The following PYHIN1 variants were observed in gnomAD, a reference collection of about 807,000 sequenced individuals.
PYHIN1 encodes pyrin and HIN domain-containing protein 1.
Under a neutral mutation model 43.7 loss-of-function variants are expected in PYHIN1, and 32 were observed. The ratio of observed to expected loss-of-function variants is 0.73; its 90% CI spans 0.55 to 0.98. The LOEUF (loss-of-function observed/expected upper bound fraction) is 0.98, where lower values mean the gene tolerates loss of function less well. Ranked by LOEUF, PYHIN1 falls within the 50% of genes least tolerant of loss-of-function variation. PYHIN1 has a pLI of 0.00. For synonymous variants in PYHIN1, 205 were observed against 203.1 expected, an observed-to-expected ratio of 1.01 and a Z score of -0.08; for missense variants, 588 against 589.5, an observed-to-expected ratio of 1.00 and a Z score of 0.03.
chr1:158,942,015 T>C lies in PYHIN1; in HGVS notation c.618T>C (p.Ser206=). Residue 206 remains serine (S), a synonymous_variant, in exon 5 of 9, where the codon AGT becomes AGC. Coordinates refer to ENST00000368140, the MANE Select transcript of PYHIN1 (RefSeq NM_152501.5). ...KPLANRHATA[S]KNIFREDPII... is the part of the protein sequence containing the mutation. ...TGGCCAACCGTCACGCAACTGCCAGTAAAAATATTTTCCGAGAAGACCCAA... is the reference window on the plus strand; with the variant it reads ...TGGCCAACCGTCACGCAACTGCCAGCAAAAATATTTTCCGAGAAGACCCAA... The C allele has an allele frequency of 2.5e-6, 4 of 1,611,674 alleles. No individual in the cohort carries two copies. The South Asian group carries it at 3.3e-5, about 13-fold the overall frequency.
intron 7 of PYHIN1, among the ~76,000 whole-genome samples, chr1:158,951,922 G>T (rs1571747537): frequency 6.6e-6 from 1 of 152,164 alleles, no homozygotes; most frequent in African/African-American, 2.4e-5. Context: ...TTATTAGAAA[G>T]AAGTTTTTTA....
chr1:158,979,948 A>G (rs375676454), downstream of PYHIN1, among the ~76,000 whole-genome samples: 48 of 152,180 alleles, frequency 3.2e-4, no homozygotes, highest in African/African-American at 1.1e-3. Context: ...TGTGTACTCA[A>G]TGTTTAGCTC....
intron 8 of PYHIN1, among the ~76,000 whole-genome samples, chr1:158,975,672 G>GA (rs1167421899): frequency 6.6e-6 from 1 of 152,074 alleles, no homozygotes; most frequent in South Asian, 2.1e-4. Context: ...ATGTTCCAGG[G>GA]AAAAAACGTG....
intron 7 of PYHIN1, among the ~76,000 whole-genome samples, chr1:158,958,134 AG>A (rs1257393711): frequency 6.6e-6 from 1 of 150,948 alleles, no homozygotes; most frequent in African/African-American, 2.4e-5. Context: ...GTGGAGAAAT[AG>A]GAACACTTTT....
chr1:158,984,028 G>GT, the PYHIN1 span, among the ~76,000 whole-genome samples: 42,354 of 110,842 alleles, frequency 0.38, 8,196 homozygotes, highest in Admixed American at 0.46. Context: ...ATCTTCTCCT[G>GT]TTTTTTTTTT....
At chr1:158,962,449 C>T (rs73019884) in intron 7 of PYHIN1, among the ~76,000 whole-genome samples, 4,317 of 152,128 alleles carry the variant, frequency 0.028, 224 homozygotes, top group African/African-American at 0.097. Context: ...GTGATCGGAC[C>T]GTTGTATCCG....
chr1:158,949,729 T>G, intron 7 of PYHIN1, among the ~76,000 whole-genome samples: 1 of 152,190 alleles, frequency 6.6e-6, no homozygotes, highest in Non-Finnish European at 1.5e-5. Flanking sequence ...TTTTTATGGC[T>G]GCATAGTATT....
rs1651073805 is a variant in PYHIN1, at chr1:158,973,641, C to T, written c.1360-6C>T. The T allele has an allele frequency of 6.2e-7, 1 of 1,612,726 alleles. No individual in the cohort carries two copies. The highest frequency in any genetic ancestry group is 1.1e-5 in the South Asian group (1 of 91,046). ...AAGACTAAATTACCCAAATTTATGA[C>T]TCCAGAAGGATGAAACCCACCCAGG... is the stretch of plus-strand genomic sequence containing the variant. On this transcript the variant is annotated splice_polypyrimidine_tract_variant and splice_region_variant and intron_variant, in intron 7 of 8. Transcript: ENST00000368140.
At position 158,953,593 on chromosome 1, in the gene PYHIN1, C is replaced by G. The variant is rs58831706; in HGVS notation, c.1359+8551C>G. ...CAGAAAGGACATCCACACCAAAAACCCTTCTGTACATCACCATCATCAAAG... is the reference window on the plus strand; with the variant it reads ...CAGAAAGGACATCCACACCAAAAACGCTTCTGTACATCACCATCATCAAAG... On this transcript the variant is annotated intron_variant, in intron 7 of 8. Transcript: ENST00000368140. 8.9e-3 allele frequency among the ~76,000 whole-genome samples: 1,357 copies of G among 151,912 alleles called. 26 individuals carry two copies. Among genetic ancestry groups the G allele is most frequent in the African/African-American group, 0.031 (1,280 of 41,408 alleles).
intron 2 of PYHIN1, 56 bp downstream of exon 2, chr1:158,937,231 T>C: frequency 6.7e-7 from 1 of 1,502,154 alleles, no homozygotes; most frequent in Non-Finnish European, 8.9e-7. Context: ...CTTCCCAACC[T>C]TGATTAGAAC....
chr1:158,979,616 T>G (rs1651419904), downstream of PYHIN1, among the ~76,000 whole-genome samples: 1 of 152,210 alleles, frequency 6.6e-6, no homozygotes, highest in South Asian at 2.1e-4. Flanking sequence ...CTATTTTGAA[T>G]AATACTGTAA....
chr1:158,964,005 G>T (rs1168019006), intron 7 of PYHIN1, among the ~76,000 whole-genome samples: 1 of 152,046 alleles, frequency 6.6e-6, no homozygotes, highest in Non-Finnish European at 1.5e-5. Context: ...AATGATACAG[G>T]AGCTGATAGA....
chr1:158,954,952 C>G (rs1310248810), intron 7 of PYHIN1, among the ~76,000 whole-genome samples: 1 of 149,950 alleles, frequency 6.7e-6, no homozygotes, highest in Admixed American at 6.6e-5. Context: ...GGTTGCAATC[C>G]TAGTCTCTGA....
chr1:158,945,797 T>C (rs1649188719), intron 7 of PYHIN1, among the ~76,000 whole-genome samples: 1 of 152,272 alleles, frequency 6.6e-6, no homozygotes, highest in Non-Finnish European at 1.5e-5. Context: ...GACAATGTTC[T>C]GTGTTTGAGC....
intron 1 of PYHIN1, among the ~76,000 whole-genome samples, chr1:158,936,531 G>A (rs1648552275): frequency 6.6e-6 from 1 of 152,032 alleles, no homozygotes; most frequent in Non-Finnish European, 1.5e-5. Flanking sequence ...GGGATGCAAG[G>A]CTGGTTCAAC....
At chr1:158,948,727 C>G (rs948347172) in intron 7 of PYHIN1, among the ~76,000 whole-genome samples, 37 of 152,254 alleles carry the variant, frequency 2.4e-4, no homozygotes, top group African/African-American at 8.9e-4. Flanking sequence ...AGTGTGCCTA[C>G]GAATCTTTTG....
intron 7 of PYHIN1, among the ~76,000 whole-genome samples, chr1:158,955,875 A>G (rs1296216992): frequency 1.3e-5 from 1 of 77,084 alleles, no homozygotes. Context: ...TAAAGAAAAA[A>G]AGAGAGAAGA....
intron 7 of PYHIN1, among the ~76,000 whole-genome samples, chr1:158,951,209 T>A (rs187594244): frequency 6.6e-6 from 1 of 152,176 alleles, no homozygotes; most frequent in Admixed American, 6.5e-5. Context: ...GGTGGAAAAA[T>A]TGATGCCATT....
At chr1:158,983,216 T>C in the PYHIN1 span, among the ~76,000 whole-genome samples, 1 of 152,104 alleles carries the variant, frequency 6.6e-6, no homozygotes, top group South Asian at 2.1e-4. Flanking sequence ...AACTTTGTCT[T>C]GTTCTGGTTC....
Sources: gnomAD v4.1 joint callset for allele counts (sites outside exome capture counted in the v4.1 genomes callset) on GRCh38, gnomAD v4.1.1 for gene constraint, MANE v1.5 for transcripts, NCBI Gene and HGNC (gene_info 2026-07-23, HGNC 2026-07-21) for gene names.